BMPR1B: variants seen among roughly 807,000 people sequenced by gnomAD.
BMPR1B encodes the protein bone morphogenetic protein receptor type-1B.
A neutral mutation model predicts 59.1 loss-of-function variants in BMPR1B; 12 were observed. The ratio of observed to expected loss-of-function variants is 0.20; its 90% CI spans 0.13 to 0.33. BMPR1B has a LOEUF of 0.33. Among genes scored for constraint, BMPR1B ranks in the 10% least tolerant of loss-of-function variants. BMPR1B has a pLI of 1.00. For synonymous variants in BMPR1B, 237 were observed against 207.3 expected (o/e 1.14, Z -1.23); for missense variants, 550 against 610.9 (o/e 0.90, Z 1.05).
chr4:94,920,843 T>G (rs554463510), intron 2 of BMPR1B, among the ~76,000 whole-genome samples: 1 of 152,320 alleles, frequency 6.6e-6, no homozygotes, highest in African/African-American at 2.4e-5. Flanking sequence ...ATTATTGTTT[T>G]CCAAGTGGCT....
intron 1 of BMPR1B, among the ~76,000 whole-genome samples, chr4:94,856,387 G>A (rs1199637465): frequency 2.6e-5 from 4 of 152,210 alleles, no homozygotes; most frequent in East Asian, 3.9e-4. Flanking sequence ...AGCTAGCAGC[G>A]TAAGTCATAG....
At chr4:94,800,812 C>G (rs1723378113) in intron 1 of BMPR1B, among the ~76,000 whole-genome samples, 1 of 152,070 alleles carries the variant, frequency 6.6e-6, no homozygotes, top group South Asian at 2.1e-4. Context: ...TTGATTTAGC[C>G]ACTGTCCTCA....
chr4:95,113,433 C>G (rs573584170), intron 4 of BMPR1B, among the ~76,000 whole-genome samples: 1 of 152,260 alleles, frequency 6.6e-6, no homozygotes, highest in African/African-American at 2.4e-5. Flanking sequence ...GAAGGGCTAA[C>G]ATATAGCAGC....
chr4:95,088,793 GAAA>G lies in BMPR1B; in HGVS notation c.-17-15607_-17-15605del, dbSNP rs750834599. Among the ~76,000 whole-genome samples, 17 of 146,930 alleles carry G rather than the reference GAAA, an allele frequency of 1.2e-4. No homozygotes were observed. The South Asian group carries it at 1.9e-3, about 17-fold the overall frequency. On this transcript the variant is annotated intron_variant, in intron 3 of 12. Transcript: ENST00000515059. Reference sequence around the variant, plus strand: ...TAAGTTTTTTCTTTAGAGGAAAGAAGAAAAAAAAAAGCTATGAGACTCCTAGTG... The same window carrying G: ...TAAGTTTTTTCTTTAGAGGAAAGAAGAAAAAAAGCTATGAGACTCCTAGTG...
At chr4:95,041,400 C>T (rs541843362) in intron 3 of BMPR1B, among the ~76,000 whole-genome samples, 1 of 152,196 alleles carries the variant, frequency 6.6e-6, no homozygotes, top group East Asian at 1.9e-4. Context: ...GAGAGTTCCA[C>T]CCGCCATGGG....
At chr4:95,118,369 T>C (rs978186418) in intron 6 of BMPR1B, among the ~76,000 whole-genome samples, 1 of 152,204 alleles carries the variant, frequency 6.6e-6, no homozygotes, top group Non-Finnish European at 1.5e-5. Context: ...ATTGAAATTG[T>C]ACTAGATATT....
chr4:94,766,966 A>T (rs1455723625), intron 1 of BMPR1B, among the ~76,000 whole-genome samples: 1 of 152,218 alleles, frequency 6.6e-6, no homozygotes, highest in East Asian at 1.9e-4. Context: ...TATTTTAAGT[A>T]TTCTCGGAAA....
At chr4:95,026,098 A>ATTTCTTTCTTTCTTTCTTTCTTCC (rs1724345014) in intron 3 of BMPR1B, among the ~76,000 whole-genome samples, 1 of 101,622 alleles carries the variant, frequency 9.8e-6, no homozygotes, top group Non-Finnish European at 2.1e-5. Context: ...GCTTTCTTTC[A>ATTTCTTTCTTTCTTTCTTTCTTCC]TTTCTTTCTT....
chr4:94,967,248 C>G (rs1462689450), intron 2 of BMPR1B, among the ~76,000 whole-genome samples: 1 of 152,078 alleles, frequency 6.6e-6, no homozygotes. Context: ...GTAGAAACAC[C>G]TTTAACATCT....
chr4:95,091,066 T>C (rs1729942840), intron 3 of BMPR1B, among the ~76,000 whole-genome samples: 1 of 152,088 alleles, frequency 6.6e-6, no homozygotes, highest in African/African-American at 2.4e-5. Flanking sequence ...CTTAAGACAT[T>C]GCATATTGAA....
chr4:94,792,690 T>TGG (rs1723029019), intron 1 of BMPR1B, among the ~76,000 whole-genome samples: 1 of 152,208 alleles, frequency 6.6e-6, no homozygotes, highest in Admixed American at 6.6e-5. Flanking sequence ...TTGACGATGC[T>TGG]AGAGAGATGA....
At position 95,033,355 on chromosome 4, in the gene BMPR1B, A is replaced by C. The variant is rs528436887; in HGVS notation, c.-18+37221A>C. On this transcript the variant is annotated intron_variant, in intron 3 of 12. Transcript: ENST00000515059. ...GTGCTTTTGGTGTTATATCCAAGAA[A>C]TCACTGTCAAGTGCAATGTCATGAA... Among the ~76,000 whole-genome samples the C allele has an allele frequency of 8.6e-5, 13 of 151,958 alleles. No homozygotes were observed. In the East Asian group the frequency reaches 2.5e-3, roughly 29 times the overall value.
At chr4:94,761,863 A>C (rs1721785073) in intron 1 of BMPR1B, among the ~76,000 whole-genome samples, 1 of 152,166 alleles carries the variant, frequency 6.6e-6, no homozygotes, top group South Asian at 2.1e-4. Flanking sequence ...AATTGTTGAG[A>C]TATGTATAGG....
chr4:95,118,830 A>G lies in BMPR1B; in HGVS notation c.349+3043A>G, dbSNP rs568067949. Among the ~76,000 whole-genome samples the G allele has an allele frequency of 5.3e-5, 8 of 152,316 alleles. No homozygotes were observed. The South Asian group carries it at 1.5e-3, about 28-fold the overall frequency. On this transcript the variant is annotated intron_variant, in intron 6 of 12. Coordinates refer to ENST00000515059, the MANE Select transcript of BMPR1B (RefSeq NM_001203.3). ...AAAGGTTTATTGATAAGGATCACCTATTCATGAGAGAAGACAAGGAGGCTG... is the reference window on the plus strand; with the variant it reads ...AAAGGTTTATTGATAAGGATCACCTGTTCATGAGAGAAGACAAGGAGGCTG...
intron 1 of BMPR1B, among the ~76,000 whole-genome samples, chr4:94,845,491 C>T (rs1028755181): frequency 2.6e-5 from 4 of 152,062 alleles, no homozygotes; most frequent in Admixed American, 6.5e-5. Context: ...TACAGGTGCC[C>T]GCCACCACGC....
chr4:94,951,558 T>A (rs1729937669), intron 2 of BMPR1B, among the ~76,000 whole-genome samples: 1 of 152,190 alleles, frequency 6.6e-6, no homozygotes, highest in Non-Finnish European at 1.5e-5. Context: ...TGGTTCTGTT[T>A]ATGTGATGGA....
intron 2 of BMPR1B, among the ~76,000 whole-genome samples, chr4:94,921,653 C>A (rs1196101816): frequency 6.6e-6 from 1 of 152,032 alleles, no homozygotes; most frequent in Non-Finnish European, 1.5e-5. Flanking sequence ...GAAACCTGCC[C>A]CCTTGATCCA....
At chr4:94,978,149 G>A (rs1731099716) in intron 2 of BMPR1B, among the ~76,000 whole-genome samples, 1 of 152,092 alleles carries the variant, frequency 6.6e-6, no homozygotes, top group South Asian at 2.1e-4. Context: ...CACATGTTTT[G>A]AGTATTTTTT....
At chr4:94,976,819 T>A (rs566005018) in intron 2 of BMPR1B, among the ~76,000 whole-genome samples, 12 of 152,250 alleles carry the variant, frequency 7.9e-5, no homozygotes, top group African/African-American at 2.6e-4. Context: ...CAGTTGGTCA[T>A]GTTGCCATTT....
Sources: gnomAD v4.1 joint callset for allele counts (sites outside exome capture counted in the v4.1 genomes callset) on GRCh38, gnomAD v4.1.1 for gene constraint, MANE v1.5 for transcripts, NCBI Gene and HGNC (gene_info 2026-07-23, HGNC 2026-07-21) for gene names.